ARHGAP29: variants seen among roughly 807,000 people sequenced by gnomAD.
ARHGAP29 encodes Rho GTPase activating protein 29.
In ARHGAP29, 43 loss-of-function variants were observed where a neutral mutation model predicts 122.6. The observed-to-expected ratio is 0.35, with a 90% CI of 0.27 to 0.45. The LOEUF (loss-of-function observed/expected upper bound fraction) is 0.45, where lower values mean the gene tolerates loss of function less well. Among genes scored for constraint, ARHGAP29 ranks in the 20% least tolerant of loss-of-function variants. ARHGAP29 has a pLI of 1.00. For missense variants in ARHGAP29, 1,303 were observed against 1,477.2 expected (o/e 0.88, Z 1.93); for synonymous variants, 506 against 497.1 (o/e 1.02, Z -0.24).
At position 94,174,401 on chromosome 1, in the gene ARHGAP29, T is replaced by A. The variant is rs902250842; in HGVS notation, c.3254A>T (p.Tyr1085Phe). 2 of 1,614,110 alleles carry A rather than the reference T, an allele frequency of 1.2e-6. No individual in the cohort carries two copies. Among genetic ancestry groups the A allele is most frequent in the Non-Finnish European group, 1.7e-6 (2 of 1,180,046 alleles). ...CTTGGCAGTTAGGCTGTTTTGTTCA[T>A]ACTGTTTGTCCTGAATTTTCTGTAG... is the stretch of plus-strand genomic sequence containing the variant. ...QTLQKIQDKQ[Y>F]EQNSLTAKTT... Residue 1085 changes from tyrosine (Y) to phenylalanine (F), a missense_variant, in exon 23 of 23, where the codon TAT (tyrosine) becomes TTT (phenylalanine). By Grantham distance (22) the Tyr-to-Phe change is conservative (BLOSUM62 3). Transcript: ENST00000260526.
chr1:94,224,938 TGAA>T (rs920813820), intron 2 of ARHGAP29, among the ~76,000 whole-genome samples: 5 of 152,284 alleles, frequency 3.3e-5, no homozygotes, highest in Admixed American at 2.0e-4. Context: ...AGTTACACTA[TGAA>T]GAATTCCAAT....
intron 13 of ARHGAP29, 49 bp downstream of exon 13, chr1:94,189,877 T>C (rs2101433296): frequency 1.9e-6 from 3 of 1,573,072 alleles, no homozygotes; most frequent in Non-Finnish European, 2.6e-6. Flanking sequence ...AACTTAACAA[T>C]TAAGTGTTTT....
intron 12 of ARHGAP29, among the ~76,000 whole-genome samples, chr1:94,198,821 T>C (rs1017714144): frequency 1.1e-4 from 16 of 152,212 alleles, no homozygotes; most frequent in East Asian, 7.7e-4. Context: ...CAAGAGTTTT[T>C]TGGAGATATG....
intron 1 of ARHGAP29, among the ~76,000 whole-genome samples, chr1:94,255,737 G>T (rs1654321047): frequency 6.6e-6 from 1 of 152,206 alleles, no homozygotes; most frequent in South Asian, 2.1e-4. Context: ...TGTAAGTAAA[G>T]AATTTTCAGT....
At chr1:94,224,401 G>A (rs1263088789) in intron 2 of ARHGAP29, among the ~76,000 whole-genome samples, 1 of 152,178 alleles carries the variant, frequency 6.6e-6, no homozygotes, top group Non-Finnish European at 1.5e-5. Flanking sequence ...AAAAGAGCTT[G>A]ATTTTCAGAA....
the ARHGAP29 span, among the ~76,000 whole-genome samples, chr1:94,300,380 C>T: frequency 2.0e-4 from 30 of 152,284 alleles, no homozygotes; most frequent in Admixed American, 5.9e-4. Flanking sequence ...CAAGCCTCTC[C>T]GTCTCACATT....
At chr1:94,195,042 G>A (rs1164310212) in intron 12 of ARHGAP29, 2 of 152,134 alleles carry the variant, frequency 1.3e-5, no homozygotes, top group East Asian at 1.9e-4. Flanking sequence ...ATAATTAGAG[G>A]GAGATTTTCT....
chr1:94,186,477 T>A (rs1390625797), intron 16 of ARHGAP29, 22 bp downstream of exon 16: 1 of 1,560,544 alleles, frequency 6.4e-7, no homozygotes, highest in Admixed American at 1.7e-5. Context: ...TTAGTGGGAC[T>A]TAATTCAGGT....
At chr1:94,244,249 A>T (rs758482550) in intron 1 of ARHGAP29, among the ~76,000 whole-genome samples, 4 of 151,804 alleles carry the variant, frequency 2.6e-5, no homozygotes, top group Non-Finnish European at 5.9e-5. Flanking sequence ...ACACACAAAA[A>T]ACAAATTTCT....
At chr1:94,201,998 C>G in intron 11 of ARHGAP29, 141 bp from the exon 12 acceptor site, 1 of 826,584 alleles carries the variant, frequency 1.2e-6, no homozygotes, top group Non-Finnish European at 1.8e-6. Context: ...TTAATCTGTT[C>G]TGGTCAGTGA....
intron 1 of ARHGAP29, among the ~76,000 whole-genome samples, chr1:94,257,987 G>C (rs558975402): frequency 1.5e-4 from 23 of 152,266 alleles, no homozygotes; most frequent in African/African-American, 4.8e-4. Flanking sequence ...TAGAAGCCCC[G>C]ATCAGGGATG....
upstream of ARHGAP29, among the ~76,000 whole-genome samples, chr1:94,241,761 G>A (rs1653598816): frequency 9.1e-6 from 1 of 109,314 alleles, no homozygotes; most frequent in African/African-American, 3.0e-5. Context: ...AAATCAAATG[G>A]AGGAATAAAT....
At chr1:94,246,780 G>T (rs562721050) in intron 1 of ARHGAP29, among the ~76,000 whole-genome samples, 100 of 152,272 alleles carry the variant, frequency 6.6e-4, no homozygotes, top group Non-Finnish European at 1.2e-3. Flanking sequence ...TGAAACAAAC[G>T]CACAGGGGTC....
chr1:94,201,583 C>T, intron 12 of ARHGAP29, 137 bp downstream of exon 12: 1 of 852,576 alleles, frequency 1.2e-6, no homozygotes, highest in South Asian at 1.6e-5. Context: ...TCGAAGCTCA[C>T]TATAACCTCA....
At chr1:94,311,136 G>A in the ARHGAP29 span, among the ~76,000 whole-genome samples, 4 of 152,316 alleles carry the variant, frequency 2.6e-5, no homozygotes, top group Admixed American at 2.6e-4. Context: ...TAGTTTCAGA[G>A]AAGCCTCTCT....
chr1:94,293,190 A>T, the ARHGAP29 span, among the ~76,000 whole-genome samples: 2 of 152,172 alleles, frequency 1.3e-5, no homozygotes, highest in Admixed American at 6.5e-5. Flanking sequence ...GCAATGGCAG[A>T]TTCCTCTCCC....
At chr1:94,291,466 T>G in the ARHGAP29 span, among the ~76,000 whole-genome samples, 3 of 152,244 alleles carry the variant, frequency 2.0e-5, no homozygotes, top group Non-Finnish European at 2.9e-5. Context: ...AGGTTAATAT[T>G]GTTATGTGTG....
intron 1 of ARHGAP29, among the ~76,000 whole-genome samples, chr1:94,269,454 G>A (rs920744718): frequency 1.3e-5 from 2 of 152,158 alleles, no homozygotes; most frequent in Non-Finnish European, 2.9e-5. Flanking sequence ...CTAGACCACT[G>A]CCAAGTTCAC....
intron 1 of ARHGAP29, among the ~76,000 whole-genome samples, chr1:94,234,050 C>T (rs2101621319): frequency 6.6e-6 from 1 of 152,330 alleles, no homozygotes; most frequent in South Asian, 2.1e-4. Context: ...CCATCCCCAT[C>T]CCCCAGCAAA....
Sources: allele counts gnomAD v4.1 joint callset (sites outside exome capture counted in the v4.1 genomes callset), GRCh38; gene constraint gnomAD v4.1.1; transcripts MANE v1.5; gene names NCBI Gene and HGNC (gene_info 2026-07-23, HGNC 2026-07-21).